SPON1: variants seen among roughly 807,000 people sequenced by gnomAD.
The protein encoded by SPON1 is spondin-1.
SPON1 carries 52 observed loss-of-function variants against 111.7 expected under a neutral mutation model. The ratio of observed to expected loss-of-function variants is 0.47; its 90% confidence interval spans 0.37 to 0.59. The LOEUF is 0.59. Ranked by LOEUF, SPON1 falls within the 20% of genes least tolerant of loss-of-function variation. The probability of loss-of-function intolerance (pLI) is 0.00; values close to 1 mark genes in which losing one functional copy is unlikely to be tolerated. For missense variants in SPON1, 957 were observed against 1,068.5 expected (o/e 0.90, Z 1.46); for synonymous variants, 410 against 395.8 (o/e 1.04, Z -0.43).
intron 6 of SPON1, among the ~76,000 whole-genome samples, chr11:14,141,026 C>CCA (rs1275232342): frequency 8.0e-6 from 1 of 124,558 alleles, no homozygotes; most frequent in African/African-American, 2.8e-5. Context: ...GGCGTGCCCC[C>CCA]CCCATGCCCC....
At chr11:14,197,555 TG>T (rs1228344111) in intron 6 of SPON1, among the ~76,000 whole-genome samples, 1 of 151,202 alleles carries the variant, frequency 6.6e-6, no homozygotes, top group African/African-American at 2.4e-5. Flanking sequence ...GGCTCACGCC[TG>T]TAATCCCAGC....
intron 3 of SPON1, among the ~76,000 whole-genome samples, chr11:14,065,078 A>T (rs1441634594): frequency 2.0e-5 from 3 of 151,938 alleles, no homozygotes; most frequent in Admixed American, 6.6e-5. Context: ...CCCCTCCCAC[A>T]CCTCCAACCC....
intron 2 of SPON1, among the ~76,000 whole-genome samples, chr11:13,986,132 T>C (rs1848180608): frequency 2.0e-5 from 3 of 152,184 alleles, no homozygotes; most frequent in African/African-American, 2.4e-5. Flanking sequence ...AAAACAGAGA[T>C]AGTCCTCATG....
At chr11:14,037,745 A>C (rs1848604955) in intron 2 of SPON1, among the ~76,000 whole-genome samples, 2 of 152,356 alleles carry the variant, frequency 1.3e-5, no homozygotes, top group East Asian at 1.9e-4. Flanking sequence ...ACTTCATTAA[A>C]ATTTAAAACT....
chr11:14,091,473 G>A (rs919796406), intron 5 of SPON1, among the ~76,000 whole-genome samples: 11 of 152,190 alleles, frequency 7.2e-5, no homozygotes, highest in African/African-American at 1.7e-4. Flanking sequence ...GCCCTGCCCC[G>A]CGGGAAGGCA....
At chr11:13,974,142 T>C (rs1848084615) in intron 1 of SPON1, among the ~76,000 whole-genome samples, 1 of 152,308 alleles carries the variant, frequency 6.6e-6, no homozygotes, top group South Asian at 2.1e-4. Flanking sequence ...AATATATGAG[T>C]TGCAGCTCCT....
intron 6 of SPON1, among the ~76,000 whole-genome samples, chr11:14,148,520 C>G (rs1280687661): frequency 2.0e-5 from 3 of 152,084 alleles, no homozygotes; most frequent in Non-Finnish European, 2.9e-5. Flanking sequence ...AGCTTAGGAA[C>G]ATTTAAACGA....
At chr11:14,205,648 C>T (rs1268858006) in intron 6 of SPON1, among the ~76,000 whole-genome samples, 1 of 152,104 alleles carries the variant, frequency 6.6e-6, no homozygotes, top group Admixed American at 6.5e-5. Flanking sequence ...TGGACAACAA[C>T]AGTCTTTTAA....
At chr11:13,996,097 G>T (rs1848270055) in intron 2 of SPON1, among the ~76,000 whole-genome samples, 1 of 149,568 alleles carries the variant, frequency 6.7e-6, no homozygotes, top group Non-Finnish European at 1.5e-5. Context: ...TTTAAAATTT[G>T]CCATATTTTA....
intron 2 of SPON1, among the ~76,000 whole-genome samples, chr11:13,998,953 A>C (rs544006419): frequency 6.6e-6 from 1 of 152,348 alleles, no homozygotes; most frequent in African/African-American, 2.4e-5. Flanking sequence ...TAAAAAGCCA[A>C]TAAGTTCCTG....
intron 1 of SPON1, among the ~76,000 whole-genome samples, chr11:13,976,558 A>G (rs960581623): frequency 1.3e-5 from 2 of 152,224 alleles, no homozygotes; most frequent in Non-Finnish European, 2.9e-5. Flanking sequence ...AGGGTTGTGT[A>G]CAACCTTAGC....
At chr11:14,028,640 C>T (rs1848536436) in intron 2 of SPON1, among the ~76,000 whole-genome samples, 2 of 152,112 alleles carry the variant, frequency 1.3e-5, no homozygotes, top group South Asian at 4.2e-4. Flanking sequence ...AAGATGCCAC[C>T]AGGGCCCATT....
intron 7 of SPON1, among the ~76,000 whole-genome samples, chr11:14,246,835 G>C (rs1292891134): frequency 1.3e-5 from 2 of 152,198 alleles, no homozygotes; most frequent in African/African-American, 4.8e-5. Context: ...AGTGCCATTA[G>C]GGGGGTTAGA....
intron 2 of SPON1, among the ~76,000 whole-genome samples, chr11:13,987,280 A>AT (rs1848192966): frequency 6.6e-6 from 1 of 152,218 alleles, no homozygotes; most frequent in Admixed American, 6.5e-5. Context: ...ATGGTATCTC[A>AT]TTGTGGTTTT....
rs782575390 is a variant in SPON1 at position 14,255,689 on chromosome 11, C to T, written c.1135C>T (p.Leu379=). 26 of 1,613,858 alleles carry T rather than the reference C, an allele frequency of 1.6e-5. No homozygotes were observed. The Admixed American group carries it at 1.8e-4, about 11-fold the overall frequency. Residue 379 remains leucine (L), a synonymous_variant, in exon 9 of 16, where the codon CTG becomes TTG. Coordinates refer to ENST00000576479, the MANE Select transcript of SPON1 (RefSeq NM_006108.4). ...PTIPQEKIRP[L]TSLDHPQSPF... ...CATTCCCCAGGAGAAAATCCGGCCCCTGACCAGCCTGGACCATCCTCAGAG... is the reference window on the plus strand; with the variant it reads ...CATTCCCCAGGAGAAAATCCGGCCCTTGACCAGCCTGGACCATCCTCAGAG...
At position 14,041,572 on chromosome 11, in the gene SPON1, A is replaced by T. The variant is rs1554917274; in HGVS notation, c.397A>T (p.Thr133Ser). 6.2e-6 allele frequency: 10 copies of T among 1,613,990 alleles called. No homozygotes were observed. Among genetic ancestry groups the T allele is most frequent in the Admixed American group, 1.7e-5 (1 of 60,022 alleles). The change falls in exon 3 of 16, where the codon ACT becomes TCT. Residue 133 changes from threonine to serine, a missense_variant. Transcript: ENST00000576479. ...TATGAGCAATTGCCCTGTTGCAGTCACTGAAAGCACTCCACGGAGGAGGAC... is the reference window on the plus strand; with the variant it reads ...TATGAGCAATTGCCCTGTTGCAGTCTCTGAAAGCACTCCACGGAGGAGGAC... ...QFMSNCPVAV[T>S]ESTPRRRTRI...
intron 6 of SPON1, among the ~76,000 whole-genome samples, chr11:14,217,602 AAC>A (rs1848638873): frequency 1.3e-5 from 2 of 152,098 alleles, no homozygotes. Context: ...AGAAAGAAAA[AAC>A]ACTTTTATTG....
intron 6 of SPON1, among the ~76,000 whole-genome samples, chr11:14,199,721 C>T (rs551894797): frequency 6.6e-6 from 1 of 152,232 alleles, no homozygotes; most frequent in Non-Finnish European, 1.5e-5. Flanking sequence ...TGTGCATGCT[C>T]ATATGTATGT....
intron 6 of SPON1, among the ~76,000 whole-genome samples, chr11:14,143,580 G>A (rs1847682515): frequency 2.6e-5 from 4 of 151,956 alleles, no homozygotes; most frequent in Admixed American, 2.6e-4. Flanking sequence ...AAAAAGGGCA[G>A]GGGAAACTGA....
Sources: allele counts gnomAD v4.1 joint callset (sites outside exome capture counted in the v4.1 genomes callset), GRCh38; gene constraint gnomAD v4.1.1; transcripts MANE v1.5; gene names NCBI Gene and HGNC (gene_info 2026-07-23, HGNC 2026-07-21).